Variants in DSCAML1 observed in about 807,000 individuals in gnomAD.
DSCAML1 encodes the protein DS cell adhesion molecule like 1, also known as cell adhesion molecule DSCAML1.
In DSCAML1, 38 loss-of-function variants were observed where a neutral mutation model predicts 200.5. The observed-to-expected ratio is 0.19, with a 90% confidence interval of 0.15 to 0.25. The LOEUF (loss-of-function observed/expected upper bound fraction) is 0.25, where lower values mean the gene tolerates loss of function less well. DSCAML1 is among the 10% of genes least tolerant of loss of function. The pLI, the probability that DSCAML1 is intolerant of heterozygous loss-of-function variation, is 1.00. For synonymous variants in DSCAML1, 1,215 were observed against 1,165.0 expected (o/e 1.04, Z -0.87); for missense variants, 2,223 against 2,858.8 (o/e 0.78, Z 5.07).
At chr11:117,650,176 T>C (rs1728909195) in intron 3 of DSCAML1, among the ~76,000 whole-genome samples, 1 of 152,300 alleles carries the variant, frequency 6.6e-6, no homozygotes, top group East Asian at 1.9e-4. Context: ...CTGTGCCTTC[T>C]CAGTCTGGAT....
At chr11:117,461,627 C>T (rs2298766) in intron 17 of DSCAML1, 31 bp from the exon 18 acceptor site, 437,048 of 1,598,824 alleles carry the variant, frequency 0.27, 61,116 homozygotes, top group East Asian at 0.31. Flanking sequence ...ACCAAGGGTC[C>T]AGTCAGTCAT....
intron 1 of DSCAML1, among the ~76,000 whole-genome samples, chr11:117,783,632 A>T (rs1591507440): frequency 1.3e-5 from 2 of 152,180 alleles, no homozygotes; most frequent in Admixed American, 1.3e-4. Context: ...TAAGGAAATT[A>T]TGACTCTGAG....
At chr11:117,486,911 CTTTTTTTTT>C (rs56805170) in intron 11 of DSCAML1, among the ~76,000 whole-genome samples, 8 of 79,664 alleles carry the variant, frequency 1.0e-4, no homozygotes, top group Non-Finnish European at 1.4e-4. Context: ...TGTAAAATAC[CTTTTTTTTT>C]TTTTTTTTTT....
chr11:117,554,238 A>G (rs11601133), intron 3 of DSCAML1, among the ~76,000 whole-genome samples: 11,725 of 152,286 alleles, frequency 0.077, 567 homozygotes, highest in East Asian at 0.11. Flanking sequence ...CTGTACCACA[A>G]TGTGAATATA....
At chr11:117,536,290 G>A (rs1325345542) in intron 3 of DSCAML1, among the ~76,000 whole-genome samples, 3 of 152,002 alleles carry the variant, frequency 2.0e-5, no homozygotes, top group Admixed American at 6.5e-5. Flanking sequence ...AGGGAGGCCC[G>A]GCCCGCTGTT....
At position 117,467,202 on chromosome 11, in the gene DSCAML1, C is replaced by G. The variant is rs1409212164; in HGVS notation, c.3025-2020G>C. Among the ~76,000 whole-genome samples, 10 of 134,158 alleles carry G rather than the reference C, an allele frequency of 7.5e-5. 1 individual carries two copies. The Middle Eastern group carries it at 0.011, about 143-fold the overall frequency. The allele number at this position is 134,158 out of a possible 152,430, so 88.0% of individuals were successfully genotyped here. ...ATGCGCGTGCACACACACCTCCCCC[C>G]TCCCCCCGCCGCCAATATATCCATT... On this transcript the variant is annotated intron_variant, in intron 16 of 32. Coordinates refer to ENST00000651296, the MANE Select transcript of DSCAML1 (RefSeq NM_020693.4).
Position 117,437,964 on chromosome 11 carries a change from G to A in DSCAML1, c.4363C>T (p.Leu1455=), listed in dbSNP as rs747342247. ...LKCGTWYKVK[L]AAKNSVGSGR... Reference sequence around the variant, plus strand: ...GAGCCCACGCTGTTCTTGGCTGCCAGCTTCACCTTGTACCACGTGCCACAC... The same window carrying A: ...GAGCCCACGCTGTTCTTGGCTGCCAACTTCACCTTGTACCACGTGCCACAC... Residue 1455 remains leucine, a synonymous_variant, in exon 25 of 33, where the codon CTG becomes TTG. Transcript: ENST00000651296. This position sits in a 1 kb window ranked among gnomAD's most constrained non-coding sequence, Gnocchi z 5.3. 1 of 1,614,028 alleles carries A rather than the reference G, an allele frequency of 6.2e-7. No homozygotes were observed. Among genetic ancestry groups the A allele is most frequent in the Non-Finnish European group, 8.5e-7 (1 of 1,180,016 alleles).
chr11:117,776,699 T>C (rs2055133832), intron 3 of DSCAML1, 92 bp downstream of exon 3: 21 of 1,468,340 alleles, frequency 1.4e-5, no homozygotes, highest in Non-Finnish European at 1.9e-5. Context: ...CAAGATCTTA[T>C]TGAGCTCAAC....
At chr11:117,447,086 C>T (rs546873582) in intron 20 of DSCAML1, among the ~76,000 whole-genome samples, 11 of 152,204 alleles carry the variant, frequency 7.2e-5, no homozygotes, top group Middle Eastern at 3.4e-3. Context: ...GTCAGGAGTT[C>T]GAGACCAGCC....
chr11:117,666,331 G>C (rs2137658108), intron 3 of DSCAML1, among the ~76,000 whole-genome samples: 1 of 152,344 alleles, frequency 6.6e-6, no homozygotes, highest in Admixed American at 6.5e-5. Flanking sequence ...CCAGTAGCTA[G>C]CATTTTCCAT....
intron 14 of DSCAML1, among the ~76,000 whole-genome samples, chr11:117,477,198 G>GACACAC (rs60376380): frequency 0.015 from 2,234 of 144,672 alleles, 47 homozygotes; most frequent in African/African-American, 0.028. Context: ...GCTGTCCTTA[G>GACACAC]ACACACACAC....
intron 3 of DSCAML1, among the ~76,000 whole-genome samples, chr11:117,628,349 C>A (rs1213159844): frequency 6.6e-6 from 1 of 152,210 alleles, no homozygotes; most frequent in African/African-American, 2.4e-5. Flanking sequence ...ATCCTCATGA[C>A]CTCTGAGCTG....
chr11:117,698,136 T>C (rs2053615443), intron 3 of DSCAML1, among the ~76,000 whole-genome samples: 1 of 152,230 alleles, frequency 6.6e-6, no homozygotes, highest in Non-Finnish European at 1.5e-5. Flanking sequence ...TTTGTTTAGC[T>C]ATTCACACGT....
At chr11:117,451,211 A>T (rs2048275834) in intron 19 of DSCAML1, among the ~76,000 whole-genome samples, 1 of 152,168 alleles carries the variant, frequency 6.6e-6, no homozygotes, top group Non-Finnish European at 1.5e-5. Context: ...AGAAGTCACT[A>T]GGAAATCCAT....
At chr11:117,637,817 C>G (rs1340268796) in intron 3 of DSCAML1, among the ~76,000 whole-genome samples, 2 of 152,242 alleles carry the variant, frequency 1.3e-5, no homozygotes, top group Non-Finnish European at 2.9e-5. Flanking sequence ...AGCCAATGCA[C>G]TGTGATTACA....
intron 3 of DSCAML1, among the ~76,000 whole-genome samples, chr11:117,612,869 G>T (rs1345327083): frequency 1.3e-5 from 2 of 152,208 alleles, no homozygotes; most frequent in East Asian, 3.9e-4. Context: ...CACCTGGGTG[G>T]GTTGAGGGAG....
intron 3 of DSCAML1, among the ~76,000 whole-genome samples, chr11:117,623,432 T>C (rs1403571300): frequency 6.6e-6 from 1 of 152,116 alleles, no homozygotes; most frequent in Non-Finnish European, 1.5e-5. Context: ...GCCAGGCAGG[T>C]CTCGAACTCC....
chr11:117,580,722 T>C (rs1684586077), intron 3 of DSCAML1, among the ~76,000 whole-genome samples: 1 of 152,210 alleles, frequency 6.6e-6, no homozygotes, highest in African/African-American at 2.4e-5. Context: ...CTTTCCTGCT[T>C]TTTTGCAACC....
Position 117,518,014 on chromosome 11 carries a change from G to C in DSCAML1, c.1510+452C>G, listed in dbSNP as rs1290658159. Among the ~76,000 whole-genome samples, 1 of 152,188 alleles carries C rather than the reference G, an allele frequency of 6.6e-6. No homozygotes were observed. Among genetic ancestry groups the C allele is most frequent in the African/African-American group, 2.4e-5 (1 of 41,448 alleles). ...ATTTTGGGGGCTGGCTCAGTGGGAG[G>C]ACAGAGGGAGCACAGCTTGGGTGGG... On this transcript the variant is annotated intron_variant, in intron 7 of 32. Transcript: ENST00000651296. The surrounding 1 kb of genome is among the most constrained non-coding windows in gnomAD (Gnocchi z 6.3).
Sources: gnomAD v4.1 joint callset for allele counts (sites outside exome capture counted in the v4.1 genomes callset) on GRCh38, gnomAD v4.1.1 for gene constraint, Gnocchi (gnomAD v3.1) non-coding constraint, MANE v1.5 for transcripts, NCBI Gene and HGNC (gene_info 2026-07-23, HGNC 2026-07-21) for gene names.